STRA8: variants seen among roughly 807,000 people sequenced by gnomAD.
The protein encoded by STRA8 is stimulated by retinoic acid 8, also known as stimulated by retinoic acid gene 8 protein homolog.
STRA8 carries 18 observed loss-of-function variants against 37.1 expected under a neutral mutation model. That is an observed-to-expected ratio of 0.48 (90% CI 0.34 to 0.72). The LOEUF is 0.72. Ranked by LOEUF, STRA8 falls within the 30% of genes least tolerant of loss-of-function variation. The probability of loss-of-function intolerance (pLI) is 0.01; values close to 1 mark genes in which losing one functional copy is unlikely to be tolerated. For missense variants in STRA8, 357 were observed against 410.4 expected, an observed-to-expected ratio of 0.87 and a Z score of 1.13; for synonymous variants, 168 against 162.9, an observed-to-expected ratio of 1.03 and a Z score of -0.24.
intron 3 of STRA8, 38 bp from the exon 4 acceptor site, chr7:135,243,287 CT>C (rs746573622): frequency 1.1e-5 from 18 of 1,609,968 alleles, no homozygotes; most frequent in Non-Finnish European, 1.5e-5. Flanking sequence ...AGAGGCCTGA[CT>C]TTTCTCTTTG....
At chr7:135,256,372 C>T (rs940474938) in intron 8 of STRA8, among the ~76,000 whole-genome samples, 3 of 152,206 alleles carry the variant, frequency 2.0e-5, no homozygotes, top group African/African-American at 7.2e-5. Context: ...GACCAGTTGT[C>T]CCCTCTTTCT....
At position 135,246,685 on chromosome 7, in the gene STRA8, G is replaced by C. The variant is rs1343446699; in HGVS notation, c.862G>C (p.Val288Leu). 6.5e-7 allele frequency: 1 copy of C among 1,527,668 alleles called. No homozygotes were observed. The highest frequency in any genetic ancestry group is 2.5e-5 in the East Asian group (1 of 40,804). The allele number at this position is 1,527,668 out of a possible 1,614,324, so 94.6% of individuals were successfully genotyped here. A position where few individuals can be genotyped will look rare whatever the true frequency, so the allele number is the denominator to read the frequency against. ...CAGCCAGGGGGCCAGCTGCTCGCTG[G>C]TCTCCACGCCCGAGGAGGTGAGCAG... Reference protein sequence around the residue: ...VDSQGASCSLVSTPEEILFED... With the variant: ...VDSQGASCSLLSTPEEILFED... Residue 288 changes from valine (V) to leucine (L), a missense_variant, in exon 6 of 9, where the codon GTC (valine) becomes CTC (leucine). By Grantham distance (32) the Val-to-Leu change is conservative. Transcript: ENST00000662584. This position sits in a 1 kb window ranked among gnomAD's most constrained non-coding sequence, Gnocchi z 5.4.
At chr7:135,253,682 G>T (rs1832668053) in intron 7 of STRA8, among the ~76,000 whole-genome samples, 1 of 152,198 alleles carries the variant, frequency 6.6e-6, no homozygotes, top group Non-Finnish European at 1.5e-5. Flanking sequence ...ATGTCCCAAA[G>T]GTGTGTTTTC....
rs568179593 is a variant in STRA8, at chr7:135,243,479, G to A, written c.353+69G>A. ...CTCACAGCCATCAGTACTGTCTGGT[G>A]GCAACTCACCCTTCCTCTCCAGCCT... is the stretch of plus-strand genomic sequence containing the variant. On this transcript the variant is annotated intron_variant, in intron 4 of 8. Coordinates refer to ENST00000662584, the MANE Select transcript of STRA8 (RefSeq NM_001394401.1). The A allele has an allele frequency of 3.5e-4, 509 of 1,459,352 alleles. 4 individuals are homozygous for A. The South Asian group carries it at 4.5e-3, about 13-fold the overall frequency. 90.4% of individuals were successfully genotyped at this position (1,459,352 alleles called of 1,614,324 possible). A position where few individuals can be genotyped will look rare whatever the true frequency, so the allele number is the denominator to read the frequency against.
intron 4 of STRA8, among the ~76,000 whole-genome samples, chr7:135,244,298 T>G (rs1832513125): frequency 6.6e-6 from 1 of 152,230 alleles, no homozygotes; most frequent in South Asian, 2.1e-4. Flanking sequence ...CCTCAAGGTA[T>G]CTACCTGCCT....
At chr7:135,248,523 C>T (rs893762153) in intron 6 of STRA8, among the ~76,000 whole-genome samples, 1 of 152,066 alleles carries the variant, frequency 6.6e-6, no homozygotes, top group Non-Finnish European at 1.5e-5. Flanking sequence ...GCCTGGGCAA[C>T]ACAGTGAGAC....
chr7:135,236,789 G>A (rs1832384562), intron 1 of STRA8, among the ~76,000 whole-genome samples: 1 of 152,150 alleles, frequency 6.6e-6, no homozygotes, highest in South Asian at 2.1e-4. Context: ...TCAACCCAGT[G>A]TCTCTGCCCA....
At chr7:135,240,774 A>G (rs1324673688) in intron 2 of STRA8, 58 bp downstream of exon 2, 1 of 1,584,906 alleles carries the variant, frequency 6.3e-7, no homozygotes. Flanking sequence ...ACGTTTTCAC[A>G]GGTGGAGGGA....
intron 6 of STRA8, among the ~76,000 whole-genome samples, chr7:135,250,959 C>G (rs979111378): frequency 6.6e-6 from 1 of 151,986 alleles, no homozygotes; most frequent in Non-Finnish European, 1.5e-5. Context: ...AGCAAGATTC[C>G]AAATTGGAAA....
intron 6 of STRA8, among the ~76,000 whole-genome samples, chr7:135,248,673 T>C (rs1832599253): frequency 6.6e-6 from 1 of 152,206 alleles, no homozygotes. Context: ...ATTGTGTCAC[T>C]GCACTCCAGC....
chr7:135,255,852 C>T (rs186489056), intron 8 of STRA8, among the ~76,000 whole-genome samples: 5 of 152,366 alleles, frequency 3.3e-5, no homozygotes, highest in Admixed American at 3.3e-4. Context: ...AGGGGCCTGA[C>T]TCTCAGCAGG....
intron 8 of STRA8, among the ~76,000 whole-genome samples, chr7:135,256,467 A>G (rs1168469714): frequency 2.0e-5 from 3 of 152,204 alleles, no homozygotes; most frequent in Admixed American, 6.5e-5. Flanking sequence ...CCTTCTCCAT[A>G]TATGGCAGAA....
intron 6 of STRA8, among the ~76,000 whole-genome samples, chr7:135,251,364 CT>C: frequency 6.6e-6 from 1 of 152,306 alleles, no homozygotes; most frequent in East Asian, 1.9e-4. Context: ...AACCCAGAGC[CT>C]TCCTGACCCT....
At chr7:135,232,774 G>C (rs1267559393), upstream of STRA8, among the ~76,000 whole-genome samples, 2 of 152,152 alleles carry the variant, frequency 1.3e-5, no homozygotes, top group Non-Finnish European at 2.9e-5. Flanking sequence ...ACCCTACTGC[G>C]TGCTTTCCGT....
At chr7:135,232,853 G>T (rs536714640), upstream of STRA8, among the ~76,000 whole-genome samples, 1 of 152,262 alleles carries the variant, frequency 6.6e-6, no homozygotes, top group South Asian at 2.1e-4. Flanking sequence ...TGCTACGCCT[G>T]CTAAGCCTGT....
chr7:135,242,320 G>A (rs1251698417), intron 2 of STRA8, among the ~76,000 whole-genome samples: 1 of 152,214 alleles, frequency 6.6e-6, no homozygotes, highest in Non-Finnish European at 1.5e-5. Context: ...ATCATCTGGA[G>A]CGTATGCAGT....
chr7:135,247,429 G>A (rs1832577406), intron 6 of STRA8, among the ~76,000 whole-genome samples: 1 of 152,156 alleles, frequency 6.6e-6, no homozygotes, highest in Non-Finnish European at 1.5e-5. Flanking sequence ...ACCTCCTCCG[G>A]CTCCTGTGGC....
intron 7 of STRA8, 138 bp downstream of exon 7, chr7:135,252,007 A>AGT (rs1832642620): frequency 5.7e-6 from 4 of 706,032 alleles, no homozygotes. Context: ...AGAGGGAGAG[A>AGT]GAGAGAGTGT....
intron 2 of STRA8, among the ~76,000 whole-genome samples, chr7:135,241,981 T>G (rs1375155045): frequency 6.6e-6 from 1 of 150,928 alleles, no homozygotes; most frequent in African/African-American, 2.4e-5. Flanking sequence ...CGTTTTTGAA[T>G]AATCTTGCTG....
Sources: gnomAD v4.1 joint callset for allele counts (sites outside exome capture counted in the v4.1 genomes callset) on GRCh38, gnomAD v4.1.1 for gene constraint, Gnocchi (gnomAD v3.1) non-coding constraint, MANE v1.5 for transcripts, NCBI Gene and HGNC (gene_info 2026-07-23, HGNC 2026-07-21) for gene names.